The following TMPRSS15 variants were observed in gnomAD, a reference collection of about 807,000 sequenced individuals.
TMPRSS15 encodes transmembrane serine protease 15, also known as enteropeptidase.
TMPRSS15 carries 128 observed loss-of-function variants against 125.3 expected under a neutral mutation model. The ratio of observed to expected loss-of-function variants is 1.02; its 90% CI spans 0.89 to 1.18. The LOEUF (loss-of-function observed/expected upper bound fraction) is 1.18. Ranked by LOEUF, TMPRSS15 falls within the 50% of genes most tolerant of loss-of-function variation. The probability of loss-of-function intolerance (pLI) is 0.00; values close to 1 mark genes in which losing one functional copy is unlikely to be tolerated. For missense variants in TMPRSS15, 1,283 were observed against 1,212.7 expected (o/e 1.06, Z -0.86); for synonymous variants, 446 against 423.2 (o/e 1.05, Z -0.66).
intron 21 of TMPRSS15, among the ~76,000 whole-genome samples, chr21:18,288,499 G>T (rs1414851288): frequency 2.8e-5 from 4 of 144,968 alleles, no homozygotes; most frequent in African/African-American, 5.1e-5. Context: ...TAAAAGAGAA[G>T]TCTCTATTGT....
At chr21:18,346,683 T>G (rs145125174) in intron 10 of TMPRSS15, among the ~76,000 whole-genome samples, 91 of 152,280 alleles carry the variant, frequency 6.0e-4, no homozygotes, top group Admixed American at 9.8e-4. Flanking sequence ...GGGAGCAGAG[T>G]AGAAACATCC....
chr21:18,369,014 G>A (rs1385675713), intron 6 of TMPRSS15, among the ~76,000 whole-genome samples: 2 of 152,000 alleles, frequency 1.3e-5, no homozygotes, highest in Non-Finnish European at 2.9e-5. Flanking sequence ...ATATGACCCA[G>A]TTGTGGATGA....
At position 18,332,085 on chromosome 21, in the gene TMPRSS15, G is replaced by C. The variant is rs2075351004; in HGVS notation, c.1653C>G (p.Phe551Leu). ...NFPNSYPNLA[F>L]CVWILNAQKG... ...TGACCTGGAAAAGAAATGACTCACAGAAAGCCAGATTAGGGTAGCTGTTTG... is the reference window on the plus strand; with the variant it reads ...TGACCTGGAAAAGAAATGACTCACACAAAGCCAGATTAGGGTAGCTGTTTG... Residue 551 changes from phenylalanine to leucine, a missense_variant and splice_region_variant, in exon 14 of 25, where the codon TTC becomes TTG. Transcript: ENST00000284885. The C allele has an allele frequency of 6.2e-7, 1 of 1,613,554 alleles. No homozygotes were observed. The highest frequency in any genetic ancestry group is 8.5e-7 in the Non-Finnish European group (1 of 1,179,588).
At chr21:18,275,485 C>T in intron 23 of TMPRSS15, 149 bp from the exon 24 acceptor site, 4 of 947,142 alleles carry the variant, frequency 4.2e-6, no homozygotes, top group Non-Finnish European at 6.5e-6. Flanking sequence ...AAACCTTGCA[C>T]ACTAAAGCAC....
intron 1 of TMPRSS15, among the ~76,000 whole-genome samples, chr21:18,470,066 T>C (rs1978745392): frequency 6.6e-6 from 1 of 152,052 alleles, no homozygotes; most frequent in Non-Finnish European, 1.5e-5. Flanking sequence ...TTTTGGTAAA[T>C]TTTCTGGTGA....
chr21:18,485,116 G>A (rs1229697631), intron 1 of TMPRSS15, among the ~76,000 whole-genome samples: 2 of 151,510 alleles, frequency 1.3e-5, no homozygotes, highest in East Asian at 3.9e-4. Context: ...GGTGTTTGTT[G>A]CTATTATAAA....
intron 10 of TMPRSS15, among the ~76,000 whole-genome samples, chr21:18,348,783 C>A (rs1416341788): frequency 6.6e-6 from 1 of 152,136 alleles, no homozygotes; most frequent in Non-Finnish European, 1.5e-5. Flanking sequence ...TAGAACAGTA[C>A]CACAGCCAAT....
Position 18,326,332 on chromosome 21 carries a change from A to G in TMPRSS15, c.1921+100T>C, listed in dbSNP as rs149389602. ...GATGAGGAAGAATAAGTGTCACAGA[A>G]GGAAAGCATTAAAATCATGATTTTG... On this transcript the variant is annotated intron_variant, in intron 16 of 24. Transcript: ENST00000284885. The G allele has an allele frequency of 5.0e-3, 7,281 of 1,447,400 alleles. 63 individuals are homozygous for G. Among genetic ancestry groups the G allele is most frequent in the Non-Finnish European group, 4.4e-3 (4,564 of 1,030,738 alleles). The allele number at this position is 1,447,400 out of a possible 1,614,324, so 89.7% of individuals were successfully genotyped here.
intron 15 of TMPRSS15, 59 bp downstream of exon 15, chr21:18,329,110 T>G: frequency 6.3e-7 from 1 of 1,596,190 alleles, no homozygotes; most frequent in Non-Finnish European, 8.6e-7. Context: ...AAACGCTCTT[T>G]CCATCAGCAC....
intron 16 of TMPRSS15, among the ~76,000 whole-genome samples, chr21:18,317,426 AT>A (rs1334607681): frequency 2.2e-5 from 3 of 136,396 alleles, no homozygotes; most frequent in Non-Finnish European, 4.7e-5. Context: ...TGAATAGAGT[AT>A]TTGAGGGGGG....
intron 1 of TMPRSS15, among the ~76,000 whole-genome samples, chr21:18,415,395 G>C (rs2076177310): frequency 6.6e-6 from 1 of 152,022 alleles, no homozygotes; most frequent in Admixed American, 6.6e-5. Flanking sequence ...TATGTTCTAT[G>C]ATTTTAGTGC....
At chr21:18,339,391 G>A (rs975787379) in intron 13 of TMPRSS15, among the ~76,000 whole-genome samples, 6 of 152,230 alleles carry the variant, frequency 3.9e-5, no homozygotes, top group African/African-American at 1.4e-4. Context: ...TTAACCTTTA[G>A]ATCCTTTTCA....
chr21:18,416,028 C>T (rs549772120), intron 1 of TMPRSS15, among the ~76,000 whole-genome samples: 2 of 151,740 alleles, frequency 1.3e-5, no homozygotes, highest in Admixed American at 1.3e-4. Context: ...TAAAAATAAG[C>T]TAAAAAACAA....
intron 17 of TMPRSS15, among the ~76,000 whole-genome samples, chr21:18,313,384 A>C (rs1189176231): frequency 6.6e-6 from 1 of 151,138 alleles, no homozygotes; most frequent in Non-Finnish European, 1.5e-5. Flanking sequence ...ATATGTATAT[A>C]CACATTCTCT....
intron 13 of TMPRSS15, among the ~76,000 whole-genome samples, chr21:18,335,134 A>G (rs8128038): frequency 0.04 from 6,148 of 152,270 alleles, 373 homozygotes; most frequent in African/African-American, 0.13. Flanking sequence ...CTACATTGCT[A>G]TGAAATACTT....
intron 18 of TMPRSS15, among the ~76,000 whole-genome samples, chr21:18,310,381 AAAC>A (rs1309176791): frequency 1.3e-5 from 2 of 152,142 alleles, no homozygotes; most frequent in African/African-American, 2.4e-5. Flanking sequence ...AAAATAAACA[AAAC>A]AAAATCATTA....
chr21:18,385,902 C>T (rs1025632841), intron 3 of TMPRSS15, among the ~76,000 whole-genome samples: 5 of 151,988 alleles, frequency 3.3e-5, no homozygotes, highest in Admixed American at 6.6e-5. Flanking sequence ...CGACACCATG[C>T]CCACCTAATT....
intron 16 of TMPRSS15, among the ~76,000 whole-genome samples, chr21:18,321,514 A>G (rs3787582): frequency 0.94 from 142,824 of 151,920 alleles, 67,251 homozygotes; most frequent in African/African-American, 0.98. Context: ...CACCACGCCC[A>G]GCTAATATTT....
At chr21:18,409,641 T>C (rs1423499170) in intron 1 of TMPRSS15, among the ~76,000 whole-genome samples, 1 of 152,168 alleles carries the variant, frequency 6.6e-6, no homozygotes, top group African/African-American at 2.4e-5. Context: ...TAATTGATTT[T>C]CATAATTATA....
Sources: gnomAD v4.1 joint callset for allele counts (sites outside exome capture counted in the v4.1 genomes callset) on GRCh38, gnomAD v4.1.1 for gene constraint, MANE v1.5 for transcripts, NCBI Gene and HGNC (gene_info 2026-07-23, HGNC 2026-07-21) for gene names.